Variants in C16orf87 observed in about 807,000 individuals in gnomAD.
The protein encoded by C16orf87 is UPF0547 protein C16orf87.
In C16orf87, 13 loss-of-function variants were observed where a neutral mutation model predicts 21.0. The ratio of observed to expected loss-of-function variants is 0.62; its 90% CI spans 0.40 to 0.98. The LOEUF (loss-of-function observed/expected upper bound fraction) is 0.98. Among genes scored for constraint, C16orf87 ranks in the 50% least tolerant of loss-of-function variants. The pLI is 0.00. For synonymous variants in C16orf87, 49 were observed against 60.2 expected, an observed-to-expected ratio of 0.81 and a Z score of 0.86; for missense variants, 113 against 180.4, an observed-to-expected ratio of 0.63 and a Z score of 2.14.
chr16:46,830,308 GAC>G (rs72292263), intron 1 of C16orf87, among the ~76,000 whole-genome samples: 31 of 23,042 alleles, frequency 1.3e-3, no homozygotes, highest in South Asian at 3.3e-3. Context: ...GAGAGAGAGA[GAC>G]ACACAGAGAC....
At position 46,801,802 on chromosome 16, in the gene C16orf87, AT is replaced by A. The variant is rs2143028215; in HGVS notation, c.*1149del. The A allele has an allele frequency of 6.6e-6, 1 of 152,310 alleles. No homozygotes were observed. Among genetic ancestry groups the A allele is most frequent in the South Asian group, 2.1e-4 (1 of 4,828 alleles). 9.4% of individuals were successfully genotyped at this position (152,310 alleles called of 1,614,324 possible). A position where few individuals can be genotyped will look rare whatever the true frequency, so the allele number is the denominator to read the frequency against. ...AGGGGGCTAAATCTAACTGATGACT[AT>A]CTTCTGTAAGAAGGCTTTAAAAGGA... On this transcript the variant is annotated 3_prime_UTR_variant, in exon 4 of 4. Transcript: ENST00000285697.
chr16:46,825,351 C>T (rs570345969), intron 1 of C16orf87, among the ~76,000 whole-genome samples: 95 of 152,152 alleles, frequency 6.2e-4, no homozygotes, highest in Non-Finnish European at 1.2e-3. Context: ...GTGAAAATAA[C>T]TCAGGATTCT....
At chr16:46,810,168 C>A (rs1968041595) in intron 2 of C16orf87, among the ~76,000 whole-genome samples, 1 of 152,074 alleles carries the variant, frequency 6.6e-6, no homozygotes, top group Non-Finnish European at 1.5e-5. Context: ...TTGCCCTCTA[C>A]CTGAGTTAAA....
intron 2 of C16orf87, among the ~76,000 whole-genome samples, chr16:46,811,689 C>A (rs1968090729): frequency 6.6e-6 from 1 of 152,012 alleles, no homozygotes; most frequent in African/African-American, 2.4e-5. Flanking sequence ...CATGGGGATA[C>A]AAACAGCACA....
At chr16:46,815,905 C>T (rs142284313) in intron 2 of C16orf87, among the ~76,000 whole-genome samples, 1 of 152,044 alleles carries the variant, frequency 6.6e-6, no homozygotes, top group Non-Finnish European at 1.5e-5. Flanking sequence ...GGCATATACC[C>T]AAAAGAAATG....
chr16:46,827,250 A>C (rs1043459433), intron 1 of C16orf87, among the ~76,000 whole-genome samples: 5 of 152,158 alleles, frequency 3.3e-5, no homozygotes, highest in African/African-American at 1.2e-4. Flanking sequence ...GAAAACAAAA[A>C]ACAAAAAACA....
Position 46,824,486 on chromosome 16 carries a change from T to G in C16orf87, c.67-4A>C. 4 of 1,431,204 alleles carry G rather than the reference T, an allele frequency of 2.8e-6. No individual in the cohort carries two copies. The highest frequency in any genetic ancestry group is 1.9e-6 in the Non-Finnish European group (2 of 1,046,062). The allele number at this position is 1,431,204 out of a possible 1,614,324, so 88.7% of individuals were successfully genotyped here. On this transcript the variant is annotated splice_region_variant and splice_polypyrimidine_tract_variant and intron_variant, in intron 1 of 3. Transcript: ENST00000285697. ...ATGATTTACATGCAACAGGAACCTGTAGGAAAAAAAGAAAAATATATATTA... is the reference window on the plus strand; with the variant it reads ...ATGATTTACATGCAACAGGAACCTGGAGGAAAAAAAGAAAAATATATATTA...
At chr16:46,811,106 A>C (rs1398578511) in intron 2 of C16orf87, among the ~76,000 whole-genome samples, 2 of 152,216 alleles carry the variant, frequency 1.3e-5, no homozygotes, top group Non-Finnish European at 2.9e-5. Context: ...TATTAAAGCT[A>C]ATAAATGAAG....
chr16:46,803,567 T>C (rs376787979), intron 3 of C16orf87, among the ~76,000 whole-genome samples: 6 of 152,202 alleles, frequency 3.9e-5, no homozygotes, highest in African/African-American at 1.2e-4. Flanking sequence ...CGTAATCTCA[T>C]GAGTCAGCAA....
intron 1 of C16orf87, among the ~76,000 whole-genome samples, chr16:46,830,234 GAGAT>G (rs1959786235): frequency 6.8e-6 from 1 of 147,274 alleles, no homozygotes. Context: ...TTCAAGAAAC[GAGAT>G]AGAGAGATAG....
intron 2 of C16orf87, among the ~76,000 whole-genome samples, chr16:46,810,153 C>T (rs1006524745): frequency 7.2e-5 from 11 of 152,150 alleles, no homozygotes; most frequent in Non-Finnish European, 1.6e-4. Context: ...AAACTGCATG[C>T]CCTTTTGCCC....
chr16:46,822,520 G>A (rs1199232914), intron 2 of C16orf87, among the ~76,000 whole-genome samples: 3 of 152,086 alleles, frequency 2.0e-5, no homozygotes, highest in African/African-American at 4.8e-5. Flanking sequence ...CCCAGCAACC[G>A]CCTTTAAGAA....
intron 2 of C16orf87, among the ~76,000 whole-genome samples, chr16:46,821,622 A>T (rs1478009237): frequency 6.6e-6 from 1 of 152,242 alleles, no homozygotes; most frequent in Non-Finnish European, 1.5e-5. Flanking sequence ...GCCATGACTT[A>T]CATAACATTG....
chr16:46,812,981 C>T (rs1302172653), intron 2 of C16orf87, among the ~76,000 whole-genome samples: 2 of 152,156 alleles, frequency 1.3e-5, no homozygotes, highest in African/African-American at 4.8e-5. Flanking sequence ...TCCTCCTAAT[C>T]GCCTTTGCTG....
intron 3 of C16orf87, among the ~76,000 whole-genome samples, chr16:46,806,395 C>T (rs1157592210): frequency 1.3e-5 from 2 of 151,826 alleles, no homozygotes; most frequent in Non-Finnish European, 2.9e-5. Context: ...GTAGCTGGGA[C>T]TAGAGGCACG....
intron 3 of C16orf87, among the ~76,000 whole-genome samples, chr16:46,809,270 GAAC>G (rs1415012496): frequency 2.2e-4 from 33 of 149,114 alleles, no homozygotes; most frequent in Admixed American, 2.1e-3. Flanking sequence ...CTGGGTGACA[GAAC>G]AACACGCTGT....
rs1596829631 is a variant in C16orf87, at chr16:46,827,041, C to G, written c.67-2559G>C. ...AGAAGTATACATTTGGCTTTGGGAC[C>G]CAGAATGCACAAACACTGACTAACT... is the stretch of plus-strand genomic sequence containing the variant. On this transcript the variant is annotated intron_variant, in intron 1 of 3. Coordinates refer to ENST00000285697, the MANE Select transcript of C16orf87 (RefSeq NM_001001436.4). 3.9e-5 allele frequency among the ~76,000 whole-genome samples: 6 copies of G among 152,200 alleles called. No individual in the cohort carries two copies. The South Asian group carries it at 1.2e-3, about 32-fold the overall frequency.
In C16orf87 at chr16:46,799,040, T is replaced by C. The variant is rs1199807301; in HGVS notation, c.*3912A>G. 5 of 151,914 alleles carry C rather than the reference T, an allele frequency of 3.3e-5. No homozygotes were observed. The highest frequency in any genetic ancestry group is 7.4e-5 in the Non-Finnish European group (5 of 67,938). 9.4% of individuals were successfully genotyped at this position (151,914 alleles called of 1,614,324 possible). ...CAGTGCAATAAGGCAAAGAAAAAAA[T>C]ATAGAAATTATCAATAAAAGAACAA... On this transcript the variant is annotated 3_prime_UTR_variant, in exon 4 of 4. Transcript: ENST00000285697.
rs369253221 is a variant in C16orf87 at position 46,829,791 on chromosome 16, C to A, written c.66+1293G>T. On this transcript the variant is annotated intron_variant, in intron 1 of 3. Transcript: ENST00000285697. ...TTTCTGATAAGCATTTTTACTACAGCCCATAAAGGATACTTAATAAAACAT... is the reference window on the plus strand; with the variant it reads ...TTTCTGATAAGCATTTTTACTACAGACCATAAAGGATACTTAATAAAACAT... 2.2e-4 allele frequency among the ~76,000 whole-genome samples: 34 copies of A among 152,144 alleles called. 1 individual carries two copies. The highest frequency in any genetic ancestry group is 8.2e-4 in the African/African-American group (34 of 41,512).
Sources: allele counts gnomAD v4.1 joint callset (sites outside exome capture counted in the v4.1 genomes callset), GRCh38; gene constraint gnomAD v4.1.1; transcripts MANE v1.5; gene names NCBI Gene and HGNC (gene_info 2026-07-23, HGNC 2026-07-21).